The following TANC1 variants were observed in gnomAD, a reference collection of about 807,000 sequenced individuals.
TANC1 encodes the protein tetratricopeptide repeat, ankyrin repeat and coiled-coil containing 1.
In TANC1, 77 loss-of-function variants were observed where a neutral mutation model predicts 149.7. The ratio of observed to expected loss-of-function variants is 0.51; its 90% CI spans 0.43 to 0.62. The LOEUF (loss-of-function observed/expected upper bound fraction) is 0.62, where lower values mean the gene tolerates loss of function less well. TANC1 is among the 20% of genes least tolerant of loss of function. The pLI, the probability that TANC1 is intolerant of heterozygous loss-of-function variation, is 0.00. For missense variants in TANC1, 1,985 were observed against 2,321.8 expected (o/e 0.85, Z 2.98); for synonymous variants, 854 against 925.0 (o/e 0.92, Z 1.39).
intron 20 of TANC1, 34 bp downstream of exon 20, chr2:159,217,664 A>G (rs1270370827): frequency 5.6e-6 from 9 of 1,610,470 alleles, no homozygotes; most frequent in African/African-American, 1.3e-5. Flanking sequence ...TTCAGAAGCA[A>G]TGAGTGGGGA....
chr2:159,208,887 C>T (rs2058803770), intron 19 of TANC1, among the ~76,000 whole-genome samples: 1 of 152,220 alleles, frequency 6.6e-6, no homozygotes. Flanking sequence ...GCCTATTGCT[C>T]CCAGGCTCCA....
chr2:159,132,714 G>A (rs1027682018), intron 4 of TANC1, among the ~76,000 whole-genome samples: 4 of 147,534 alleles, frequency 2.7e-5, no homozygotes, highest in Non-Finnish European at 5.9e-5. Flanking sequence ...ACCCAGGCTG[G>A]TCTGGAACTC....
At chr2:159,027,688 C>T (rs145354587) in intron 2 of TANC1, among the ~76,000 whole-genome samples, 150 of 152,344 alleles carry the variant, frequency 9.8e-4, no homozygotes, top group Admixed American at 2.3e-3. Context: ...GCCACTTCCA[C>T]ATTTTCAGCT....
At chr2:159,218,251 A>G (rs1450978086) in intron 20 of TANC1, among the ~76,000 whole-genome samples, 1 of 152,182 alleles carries the variant, frequency 6.6e-6, no homozygotes, top group East Asian at 1.9e-4. Flanking sequence ...TACAAAGAAG[A>G]ATTTTCTAGA....
At chr2:159,216,489 G>A (rs1407336229) in intron 19 of TANC1, among the ~76,000 whole-genome samples, 1 of 152,118 alleles carries the variant, frequency 6.6e-6, no homozygotes, top group Non-Finnish European at 1.5e-5. Flanking sequence ...GCCTGGGGTT[G>A]TTTCTGCCAC....
chr2:159,215,553 A>G (rs994647668), intron 19 of TANC1, among the ~76,000 whole-genome samples: 1 of 152,166 alleles, frequency 6.6e-6, no homozygotes, highest in African/African-American at 2.4e-5. Context: ...AGGGGTGTCA[A>G]AGAAGACAGG....
chr2:158,976,453 A>T (rs2033680373), intron 1 of TANC1, among the ~76,000 whole-genome samples: 1 of 152,212 alleles, frequency 6.6e-6, no homozygotes, highest in African/African-American at 2.4e-5. Flanking sequence ...ACCCCCAGAA[A>T]ATGGGCGAGT....
At chr2:159,176,748 G>A (rs1407369064) in intron 13 of TANC1, among the ~76,000 whole-genome samples, 3 of 152,028 alleles carry the variant, frequency 2.0e-5, no homozygotes, top group Non-Finnish European at 4.4e-5. Flanking sequence ...CGAATTGCAC[G>A]TTCACTTTTC....
intron 7 of TANC1, among the ~76,000 whole-genome samples, chr2:159,155,007 A>C (rs2053269401): frequency 6.6e-6 from 1 of 152,206 alleles, no homozygotes; most frequent in Non-Finnish European, 1.5e-5. Flanking sequence ...TACAAATGGA[A>C]ACTGTAAGCT....
intron 11 of TANC1, 127 bp from the exon 12 acceptor site, chr2:159,174,826 A>C: frequency 1.3e-6 from 1 of 750,892 alleles, no homozygotes; most frequent in Non-Finnish European, 2.3e-6. Flanking sequence ...CAAATGACCC[A>C]GTCTTGGGGA....
chr2:159,063,474 A>G (rs957796872), intron 2 of TANC1, among the ~76,000 whole-genome samples: 1 of 151,986 alleles, frequency 6.6e-6, no homozygotes, highest in Non-Finnish European at 1.5e-5. Context: ...GTATAGCTCC[A>G]CTCTGATCTG....
intron 2 of TANC1, among the ~76,000 whole-genome samples, chr2:159,011,456 C>G (rs1444240575): frequency 5.3e-5 from 8 of 151,980 alleles, no homozygotes; most frequent in Non-Finnish European, 8.8e-5. Flanking sequence ...TCAGTTTTCC[C>G]TGTCTGAATT....
At chr2:159,194,203 A>T in intron 16 of TANC1, 54 bp from the exon 17 acceptor site, 2 of 1,458,710 alleles carry the variant, frequency 1.4e-6, no homozygotes, top group Non-Finnish European at 1.9e-6. Flanking sequence ...CCATTTCCAG[A>T]AATGTTTAGA....
chr2:158,981,489 TTTTA>T (rs1491326661), intron 1 of TANC1, among the ~76,000 whole-genome samples: 6 of 51,686 alleles, frequency 1.2e-4, no homozygotes, highest in Non-Finnish European at 2.1e-4. Flanking sequence ...AATATATAGC[TTTTA>T]TATATATATA....
Position 159,224,356 on chromosome 2 carries a change from C to T in TANC1, c.3803C>T (p.Ala1268Val), listed in dbSNP as rs2059889271. The T allele has an allele frequency of 1.2e-6, 2 of 1,613,982 alleles. No homozygotes were observed. The highest frequency in any genetic ancestry group is 2.7e-5 in the African/African-American group (2 of 74,902). ...GTGGTGGCGCTACTCAGAAAGGGAG[C>T]CAAGTTAGGTCAGTGAGCACTGCCT... ...SVVVALLRKG[A>V]KLGNAAWAMA... Residue 1268 changes from alanine (A) to valine (V), a missense_variant, in exon 23 of 27, where the codon GCC (alanine) becomes GTC (valine). By Grantham distance (64) the Ala-to-Val change is moderately conservative. Transcript: ENST00000263635.
intron 1 of TANC1, among the ~76,000 whole-genome samples, chr2:159,000,679 A>G (rs549582807): frequency 2.6e-5 from 4 of 152,154 alleles, no homozygotes; most frequent in African/African-American, 9.6e-5. Context: ...AGAAGGGGAC[A>G]TACTCAAGGG....
chr2:159,224,366 T>TCCCTACTCAGAAAGGGAGG lies in TANC1; in HGVS notation c.3811+3_3811+4insCCTACTCAGAAAGGGAGGC. 6.2e-7 allele frequency: 1 copy of TCCCTACTCAGAAAGGGAGG among 1,614,052 alleles called. No individual in the cohort carries two copies. ...TACTCAGAAAGGGAGCCAAGTTAGG[T>TCCCTACTCAGAAAGGGAGG]CAGTGAGCACTGCCTCCATTGAGCA... is the stretch of plus-strand genomic sequence containing the variant. On this transcript the variant is annotated splice_region_variant and intron_variant, in intron 23 of 26. Transcript: ENST00000263635.
chr2:158,977,385 A>C (rs1415410409), intron 1 of TANC1, among the ~76,000 whole-genome samples: 3 of 152,008 alleles, frequency 2.0e-5, no homozygotes, highest in African/African-American at 7.3e-5. Flanking sequence ...GTCTCAGCTC[A>C]CCATAGCCTC....
At chr2:159,032,297 C>A (rs970781249) in intron 2 of TANC1, among the ~76,000 whole-genome samples, 1 of 152,168 alleles carries the variant, frequency 6.6e-6, no homozygotes, top group Non-Finnish European at 1.5e-5. Context: ...TCCTGGTTTC[C>A]GTTGGTGTTA....
Sources: gnomAD v4.1 joint callset for allele counts (sites outside exome capture counted in the v4.1 genomes callset) on GRCh38, gnomAD v4.1.1 for gene constraint, MANE v1.5 for transcripts, NCBI Gene and HGNC (gene_info 2026-07-23, HGNC 2026-07-21) for gene names.